The following CFAP20DC variants were observed in gnomAD, a reference collection of about 807,000 sequenced individuals.
CFAP20DC encodes the protein CFAP20 domain containing.
In CFAP20DC, 84 loss-of-function variants were observed where a neutral mutation model predicts 101.7. That is an observed-to-expected ratio of 0.83 (90% CI 0.69 to 0.99). The LOEUF is 0.99. Ranked by LOEUF, CFAP20DC falls within the 50% of genes least tolerant of loss-of-function variation. The probability of loss-of-function intolerance (pLI) is 0.00; values close to 1 mark genes in which losing one functional copy is unlikely to be tolerated. For synonymous variants in CFAP20DC, 359 were observed against 351.2 expected, an observed-to-expected ratio of 1.02 and a Z score of -0.25; for missense variants, 1,007 against 970.3, an observed-to-expected ratio of 1.04 and a Z score of -0.50.
At chr3:59,043,388 C>CTAA (rs999663516) in intron 3 of CFAP20DC, among the ~76,000 whole-genome samples, 1 of 151,822 alleles carries the variant, frequency 6.6e-6, no homozygotes, top group Non-Finnish European at 1.5e-5. Context: ...TCAAATGATG[C>CTAA]TAATATGTGA....
intron 15 of CFAP20DC, among the ~76,000 whole-genome samples, chr3:58,763,610 C>T (rs1159398552): frequency 6.6e-6 from 1 of 152,216 alleles, no homozygotes; most frequent in Non-Finnish European, 1.5e-5. Flanking sequence ...GGAGGAGAGG[C>T]ACTCTGATTT....
Position 58,897,372 on chromosome 3 carries a change from A to T in CFAP20DC, c.551-12663T>A, listed in dbSNP as rs773879876. On this transcript the variant is annotated intron_variant, in intron 6 of 16. Coordinates refer to ENST00000482387, the MANE Select transcript of CFAP20DC (RefSeq NM_001394063.1). The surrounding 1 kb of genome is among the most constrained non-coding windows in gnomAD (Gnocchi z 4.4). ...GGGACACTAAGCCCATTTACATCTA[A>T]GGTTAGTATTGTTACGTGGGAATTT... Among the ~76,000 whole-genome samples, 4 of 152,104 alleles carry T rather than the reference A, an allele frequency of 2.6e-5. No homozygotes were observed. Among genetic ancestry groups the T allele is most frequent in the Non-Finnish European group, 5.9e-5 (4 of 68,022 alleles).
At chr3:58,815,638 C>A (rs1190852645) in intron 14 of CFAP20DC, among the ~76,000 whole-genome samples, 1 of 151,472 alleles carries the variant, frequency 6.6e-6, no homozygotes, top group Non-Finnish European at 1.5e-5. Context: ...CCAGAATCTA[C>A]AATGAACTCA....
chr3:58,819,736 C>T (rs2075480540), intron 14 of CFAP20DC, among the ~76,000 whole-genome samples: 1 of 144,656 alleles, frequency 6.9e-6, no homozygotes, highest in Non-Finnish European at 1.5e-5. Context: ...GGTACCATTC[C>T]TTCTGAAACT....
chr3:58,952,064 G>C (rs925399143), intron 4 of CFAP20DC, among the ~76,000 whole-genome samples: 29 of 152,268 alleles, frequency 1.9e-4, no homozygotes, highest in Admixed American at 2.6e-4. Flanking sequence ...TGATGGTTAG[G>C]GGGTAGGGTA....
chr3:58,737,496 G>T (rs1427452799), downstream of CFAP20DC, among the ~76,000 whole-genome samples: 1 of 152,106 alleles, frequency 6.6e-6, no homozygotes, highest in Non-Finnish European at 1.5e-5. This position sits in a 1 kb window ranked among gnomAD's most constrained non-coding sequence, Gnocchi z 4.1. Context: ...CCCTTGAGAT[G>T]TTCTACAGAA....
rs79175636 is a variant in CFAP20DC, at chr3:58,945,090, C to G, written c.279-7328G>C. ...TATCTAATTTAATCCTCCCATAAAC[C>G]CTACAAGATATCTACTATTATTATT... On this transcript the variant is annotated intron_variant, in intron 4 of 16. Coordinates refer to ENST00000482387, the MANE Select transcript of CFAP20DC (RefSeq NM_001394063.1). 6.7e-3 allele frequency among the ~76,000 whole-genome samples: 1,017 copies of G among 152,156 alleles called. 23 individuals carry two copies. Among genetic ancestry groups the G allele is most frequent in the African/African-American group, 0.024 (988 of 41,508 alleles).
At chr3:58,838,460 T>G (rs560965954) in intron 13 of CFAP20DC, among the ~76,000 whole-genome samples, 1 of 152,192 alleles carries the variant, frequency 6.6e-6, no homozygotes, top group Non-Finnish European at 1.5e-5. Context: ...ACCACTCACT[T>G]AAGAATGTCT....
At chr3:58,737,807 C>CA (rs1319754130), downstream of CFAP20DC, among the ~76,000 whole-genome samples, 36 of 152,254 alleles carry the variant, frequency 2.4e-4, no homozygotes, top group Middle Eastern at 0.01. This position sits in a 1 kb window ranked among gnomAD's most constrained non-coding sequence, Gnocchi z 4.1. Context: ...CGGAAATGCT[C>CA]AGTGAGAACC....
chr3:58,999,328 T>A (rs536915958), intron 4 of CFAP20DC, among the ~76,000 whole-genome samples: 1 of 152,162 alleles, frequency 6.6e-6, no homozygotes, highest in Non-Finnish European at 1.5e-5. Flanking sequence ...CGACTAGAGA[T>A]AGCAGCAAGG....
intron 4 of CFAP20DC, among the ~76,000 whole-genome samples, chr3:59,021,696 G>T (rs1460557004): frequency 1.3e-5 from 2 of 152,048 alleles, no homozygotes; most frequent in African/African-American, 2.4e-5. Flanking sequence ...AGCCATTATT[G>T]TCCATATGCA....
At chr3:58,995,451 T>C (rs1271741093) in intron 4 of CFAP20DC, among the ~76,000 whole-genome samples, 1 of 151,702 alleles carries the variant, frequency 6.6e-6, no homozygotes. Context: ...TTTCCAAAAG[T>C]AGTCTAAGTA....
In CFAP20DC at chr3:58,870,615, G is replaced by A. The variant is rs566245123; in HGVS notation, c.716-306C>T. Among the ~76,000 whole-genome samples, 99 of 150,946 alleles carry A rather than the reference G, an allele frequency of 6.6e-4. 1 individual carries two copies. Among genetic ancestry groups the A allele is most frequent in the African/African-American group, 2.2e-3 (89 of 41,262 alleles). ...TAAAAAAAAAAAGAAAGGGCCGGGC[G>A]CGGTGGCTCACGCCTGTAATCCCAG... is the stretch of plus-strand genomic sequence containing the variant. On this transcript the variant is annotated intron_variant, in intron 7 of 16. Transcript: ENST00000482387.
chr3:58,821,383 G>A (rs1352418849), intron 14 of CFAP20DC, among the ~76,000 whole-genome samples: 37 of 152,060 alleles, frequency 2.4e-4, no homozygotes, highest in Admixed American at 8.5e-4. Context: ...GAAAATTTTT[G>A]CAACCTACTC....
At chr3:59,016,463 T>C (rs2093692055) in intron 4 of CFAP20DC, among the ~76,000 whole-genome samples, 1 of 152,094 alleles carries the variant, frequency 6.6e-6, no homozygotes, top group Non-Finnish European at 1.5e-5. Flanking sequence ...TGGTGTTTTG[T>C]GGCACTGTAG....
At chr3:59,047,097 C>T in intron 2 of CFAP20DC, 68 bp downstream of exon 2, 1 of 1,025,518 alleles carries the variant, frequency 9.8e-7, no homozygotes, top group Non-Finnish European at 1.4e-6. Flanking sequence ...TTGATCACGC[C>T]CTTTCTTCTA....
intron 6 of CFAP20DC, among the ~76,000 whole-genome samples, chr3:58,910,678 C>G (rs147549668): frequency 0.011 from 1,598 of 152,142 alleles, 34 homozygotes; most frequent in African/African-American, 0.037. Context: ...TCTGTTTCTT[C>G]TAGTCTCTCT....
At chr3:58,800,788 A>T (rs932218303) in intron 15 of CFAP20DC, among the ~76,000 whole-genome samples, 7 of 152,146 alleles carry the variant, frequency 4.6e-5, no homozygotes, top group African/African-American at 1.7e-4. Context: ...ACACAATTTT[A>T]TCTGGTTATG....
At chr3:58,817,569 G>A (rs2075290754) in intron 14 of CFAP20DC, among the ~76,000 whole-genome samples, 1 of 144,610 alleles carries the variant, frequency 6.9e-6, no homozygotes, top group African/African-American at 2.6e-5. Context: ...ATGAAATGAA[G>A]CGAGAAGGGA....
Sources: allele counts gnomAD v4.1 joint callset (sites outside exome capture counted in the v4.1 genomes callset), GRCh38; gene constraint gnomAD v4.1.1; non-coding constraint Gnocchi (gnomAD v3.1); transcripts MANE v1.5; gene names NCBI Gene and HGNC (gene_info 2026-07-23, HGNC 2026-07-21).